The following SEPTIN9 variants were observed in gnomAD, a reference collection of about 807,000 sequenced individuals.
SEPTIN9 encodes septin 9, also known as septin-9.
In SEPTIN9, 13 loss-of-function variants were observed where a neutral mutation model predicts 56.6. The observed-to-expected ratio is 0.23, with a 90% CI of 0.15 to 0.37. The LOEUF is 0.37. Among genes scored for constraint, SEPTIN9 ranks in the 10% least tolerant of loss-of-function variants. The pLI is 1.00. For missense variants in SEPTIN9, 650 were observed against 823.1 expected (o/e 0.79, Z 2.57); for synonymous variants, 332 against 334.1 (o/e 0.99, Z 0.07).
intron 3 of SEPTIN9, among the ~76,000 whole-genome samples, chr17:77,412,554 TG>T (rs1356038626): frequency 6.6e-6 from 1 of 152,098 alleles, no homozygotes; most frequent in Non-Finnish European, 1.5e-5. Flanking sequence ...CTAGGCAACA[TG>T]GCAAAACCGC....
At chr17:77,486,369 G>A (rs2039778342) in intron 4 of SEPTIN9, among the ~76,000 whole-genome samples, 1 of 152,054 alleles carries the variant, frequency 6.6e-6, no homozygotes. Context: ...CTCCCAAAGT[G>A]CTGGGACTAC....
rs554416761 is a variant in SEPTIN9, at chr17:77,425,585, C to A, written c.721+22882C>A. Reference sequence around the variant, plus strand: ...CCAAGGCCGCCTGACTTCCAGCCTCCAAGTGGGGTTGCATTCACCACTCAG... The same window carrying A: ...CCAAGGCCGCCTGACTTCCAGCCTCAAAGTGGGGTTGCATTCACCACTCAG... On this transcript the variant is annotated intron_variant, in intron 3 of 11. Coordinates refer to ENST00000427177, the MANE Select transcript of SEPTIN9 (RefSeq NM_001113491.2). The surrounding 1 kb of genome is among the most constrained non-coding windows in gnomAD (Gnocchi z 4.2). Among the ~76,000 whole-genome samples, 7 of 152,290 alleles carry A rather than the reference C, an allele frequency of 4.6e-5. No homozygotes were observed. The East Asian group carries it at 1.4e-3, about 29-fold the overall frequency.
At position 77,451,470 on chromosome 17, in the gene SEPTIN9, C is replaced by T. The variant is rs1251398325; in HGVS notation, c.722-30674C>T. ...TCTGCTCGGCTCTGAGCCATGTGACCCGGTGGGCGGGCCGCGGCTCTCGGC... is the reference window on the plus strand; with the variant it reads ...TCTGCTCGGCTCTGAGCCATGTGACTCGGTGGGCGGGCCGCGGCTCTCGGC... On this transcript the variant is annotated intron_variant, in intron 3 of 11. Coordinates refer to ENST00000427177, the MANE Select transcript of SEPTIN9 (RefSeq NM_001113491.2). The surrounding 1 kb of genome is among the most constrained non-coding windows in gnomAD (Gnocchi z 4.2). The T allele has an allele frequency of 7.1e-6, 7 of 985,974 alleles. No homozygotes were observed. Among genetic ancestry groups the T allele is most frequent in the Non-Finnish European group, 7.2e-6 (6 of 830,352 alleles). 61.1% of individuals were successfully genotyped at this position (985,974 alleles called of 1,614,324 possible). A position where few individuals can be genotyped will look rare whatever the true frequency, so the allele number is the denominator to read the frequency against.
At chr17:77,368,295 A>C (rs557257086) in intron 2 of SEPTIN9, among the ~76,000 whole-genome samples, 2 of 151,744 alleles carry the variant, frequency 1.3e-5, no homozygotes, top group East Asian at 3.9e-4. Flanking sequence ...TAAAATGGTA[A>C]ATTTGTCTTT....
intron 2 of SEPTIN9, chr17:77,373,399 G>T (rs1348022124): frequency 3.2e-6 from 4 of 1,256,962 alleles, no homozygotes; most frequent in Non-Finnish European, 4.0e-6. Context: ...CACTGCAGGA[G>T]CGCGGGCGCG....
rs903304863 is a variant in SEPTIN9 at position 77,327,938 on chromosome 17, G to C, written c.76+20741G>C. On this transcript the variant is annotated intron_variant, in intron 2 of 11. Transcript: ENST00000427177. The surrounding 1 kb of genome is among the most constrained non-coding windows in gnomAD (Gnocchi z 5.0). ...GGCGTCCCCGTGCCTAGGGCATCCCGATGCTCAGAGTTTCCCCGTGCCCAG... is the reference window on the plus strand; with the variant it reads ...GGCGTCCCCGTGCCTAGGGCATCCCCATGCTCAGAGTTTCCCCGTGCCCAG... Among the ~76,000 whole-genome samples, 6 of 151,698 alleles carry C rather than the reference G, an allele frequency of 4.0e-5. No homozygotes were observed. Among genetic ancestry groups the C allele is most frequent in the African/African-American group, 1.5e-4 (6 of 41,260 alleles).
At chr17:77,374,559 G>A (rs1231223169) in intron 2 of SEPTIN9, 1 of 152,210 alleles carries the variant, frequency 6.6e-6, no homozygotes, top group Non-Finnish European at 1.5e-5. Flanking sequence ...AGGCTGACTT[G>A]GGCAGAGCCC....
intron 3 of SEPTIN9, among the ~76,000 whole-genome samples, chr17:77,460,063 C>T (rs2038394962): frequency 1.3e-5 from 2 of 150,856 alleles, no homozygotes; most frequent in African/African-American, 4.9e-5. Context: ...ACCCCCATGA[C>T]CCAAGCCCCA....
At chr17:77,281,651 G>GCTGAGCGAGTCCCCGCGGCGGGCACA in intron 1 of SEPTIN9, 97 bp downstream of exon 1, 1 of 1,219,774 alleles carries the variant, frequency 8.2e-7, no homozygotes, top group South Asian at 1.5e-5. Flanking sequence ...CGCCCCCGGA[G>GCTGAGCGAGTCCCCGCGGCGGGCACA]CTGAGCGAGT....
At chr17:77,358,067 A>T (rs2034309754) in intron 2 of SEPTIN9, among the ~76,000 whole-genome samples, 1 of 152,148 alleles carries the variant, frequency 6.6e-6, no homozygotes, top group African/African-American at 2.4e-5. Flanking sequence ...CTTTCAATCT[A>T]GGTATTGTTC....
rs1012103839 is a variant in SEPTIN9 at position 77,310,689 on chromosome 17, C to G, written c.76+3492C>G. ...GCCTTCTGGTAGGCTCTCCCATGTT[C>G]GCTCATTTTCTGTGCCTCAGGCAGC... On this transcript the variant is annotated intron_variant, in intron 2 of 11. Coordinates refer to ENST00000427177, the MANE Select transcript of SEPTIN9 (RefSeq NM_001113491.2). This position sits in a 1 kb window ranked among gnomAD's most constrained non-coding sequence, Gnocchi z 4.7. Among the ~76,000 whole-genome samples the G allele has an allele frequency of 2.6e-5, 4 of 152,152 alleles. No individual in the cohort carries two copies. The highest frequency in any genetic ancestry group is 9.7e-5 in the African/African-American group (4 of 41,426).
chr17:77,322,103 G>A (rs992946501), intron 2 of SEPTIN9, among the ~76,000 whole-genome samples: 1 of 152,214 alleles, frequency 6.6e-6, no homozygotes, highest in East Asian at 1.9e-4. Context: ...CCTCGGGTTC[G>A]GCCTTCACTT....
intron 2 of SEPTIN9, among the ~76,000 whole-genome samples, chr17:77,324,743 C>G (rs1351668032): frequency 6.6e-6 from 1 of 152,012 alleles, no homozygotes; most frequent in Non-Finnish European, 1.5e-5. Context: ...AGATACTAAT[C>G]CCATATCTGA....
rs2033130860 is a variant in SEPTIN9 at position 77,326,116 on chromosome 17, G to T, written c.76+18919G>T. ...CGCCTCCTACCCCTTCTTCCAAGGG[G>T]TCATCTCTGCTTCCCTCCCCACCCA... On this transcript the variant is annotated intron_variant, in intron 2 of 11. Transcript: ENST00000427177. This position sits in a 1 kb window ranked among gnomAD's most constrained non-coding sequence, Gnocchi z 5.1. Among the ~76,000 whole-genome samples, 1 of 152,084 alleles carries T rather than the reference G, an allele frequency of 6.6e-6. No individual in the cohort carries two copies. Among genetic ancestry groups the T allele is most frequent in the Non-Finnish European group, 1.5e-5 (1 of 68,018 alleles).
intron 3 of SEPTIN9, among the ~76,000 whole-genome samples, chr17:77,410,256 GTGTA>G (rs2144144431): frequency 6.6e-6 from 1 of 152,272 alleles, no homozygotes; most frequent in East Asian, 1.9e-4. Flanking sequence ...CTGCTACTGG[GTGTA>G]CTCTGTGGAG....
chr17:77,490,981 T>G, intron 8 of SEPTIN9, 122 bp downstream of exon 8: 1 of 801,540 alleles, frequency 1.2e-6, no homozygotes, highest in Non-Finnish European at 2.1e-6. Flanking sequence ...CTGGTCACTC[T>G]CCCCAGCGGG....
chr17:77,360,089 G>A (rs28506175), intron 2 of SEPTIN9, among the ~76,000 whole-genome samples: 31,100 of 150,708 alleles, frequency 0.21, 3,836 homozygotes, highest in East Asian at 0.61. Flanking sequence ...CCCAGGAGGC[G>A]GAGGTTGCAG....
chr17:77,429,523 G>T lies in SEPTIN9; in HGVS notation c.721+26820G>T, dbSNP rs893388754. ...CAACAGTTCGGTGGGGAGAGGAGGC[G>T]CAAGGCTGGTTCCTGTTTTCTGGGC... On this transcript the variant is annotated intron_variant, in intron 3 of 11. Transcript: ENST00000427177. The surrounding 1 kb of genome is among the most constrained non-coding windows in gnomAD (Gnocchi z 5.2). 6.6e-6 allele frequency among the ~76,000 whole-genome samples: 1 copy of T among 152,200 alleles called. No homozygotes were observed. Among genetic ancestry groups the T allele is most frequent in the Non-Finnish European group, 1.5e-5 (1 of 68,038 alleles).
At chr17:77,390,653 G>A (rs1030733174) in intron 2 of SEPTIN9, among the ~76,000 whole-genome samples, 5 of 151,874 alleles carry the variant, frequency 3.3e-5, no homozygotes, top group East Asian at 2.0e-4. Flanking sequence ...GGGTTTCACT[G>A]TGTTAGCCAG....
Sources: gnomAD v4.1 joint callset for allele counts (sites outside exome capture counted in the v4.1 genomes callset) on GRCh38, gnomAD v4.1.1 for gene constraint, Gnocchi (gnomAD v3.1) non-coding constraint, MANE v1.5 for transcripts, NCBI Gene and HGNC (gene_info 2026-07-23, HGNC 2026-07-21) for gene names.